ST6GALNAC3: variants seen among roughly 807,000 people sequenced by gnomAD.
The protein encoded by ST6GALNAC3 is alpha-N-acetylgalactosaminide alpha-2,6-sialyltransferase 3.
Under a neutral mutation model 32.7 loss-of-function variants are expected in ST6GALNAC3, and 25 were observed. The ratio of observed to expected loss-of-function variants is 0.76; its 90% CI spans 0.56 to 1.07. ST6GALNAC3 has a LOEUF of 1.07. ST6GALNAC3 is among the 50% of genes least tolerant of loss of function. ST6GALNAC3 has a pLI of 0.00. For synonymous variants in ST6GALNAC3, 129 were observed against 133.1 expected, an observed-to-expected ratio of 0.97 and a Z score of 0.21; for missense variants, 355 against 382.4, an observed-to-expected ratio of 0.93 and a Z score of 0.60.
intron 1 of ST6GALNAC3, among the ~76,000 whole-genome samples, chr1:76,313,442 G>C (rs763017081): frequency 1.3e-5 from 2 of 152,126 alleles, no homozygotes; most frequent in Non-Finnish European, 2.9e-5. Flanking sequence ...TGGATAGGTT[G>C]GGGGTCAAAG....
At chr1:76,451,309 G>A (rs183533160) in intron 3 of ST6GALNAC3, among the ~76,000 whole-genome samples, 45 of 152,306 alleles carry the variant, frequency 3.0e-4, no homozygotes, top group Non-Finnish European at 5.7e-4. Flanking sequence ...GGTGAAGGAA[G>A]AGCAAAGGCA....
intron 1 of ST6GALNAC3, among the ~76,000 whole-genome samples, chr1:76,198,903 C>G (rs17098322): frequency 0.082 from 12,446 of 152,072 alleles, 557 homozygotes; most frequent in African/African-American, 0.11. Flanking sequence ...AAGAAAGGCT[C>G]CACTGAATGG....
intron 1 of ST6GALNAC3, among the ~76,000 whole-genome samples, chr1:76,120,682 C>T (rs982716874): frequency 4.6e-5 from 7 of 152,142 alleles, no homozygotes; most frequent in Non-Finnish European, 1.0e-4. Flanking sequence ...AGCTAATGGG[C>T]ACCTCAAATC....
chr1:76,483,208 A>G (rs1317452364), intron 3 of ST6GALNAC3, among the ~76,000 whole-genome samples: 1 of 152,180 alleles, frequency 6.6e-6, no homozygotes, highest in African/African-American at 2.4e-5. Context: ...TCTTTATAGC[A>G]GCATGATTTG....
intron 3 of ST6GALNAC3, among the ~76,000 whole-genome samples, chr1:76,490,336 A>T (rs1571398506): frequency 6.6e-6 from 1 of 152,170 alleles, no homozygotes; most frequent in Non-Finnish European, 1.5e-5. Context: ...AGACTTAAAA[A>T]AAAATCTGCA....
chr1:76,514,810 G>A (rs6703692), intron 3 of ST6GALNAC3, among the ~76,000 whole-genome samples: 92,948 of 151,904 alleles, frequency 0.61, 28,504 homozygotes, highest in East Asian at 0.67. Context: ...ACAGTGGTGT[G>A]TCACATTTGT....
chr1:76,535,856 A>C (rs1663561833), intron 3 of ST6GALNAC3, among the ~76,000 whole-genome samples: 3 of 152,108 alleles, frequency 2.0e-5, no homozygotes, highest in Non-Finnish European at 4.4e-5. Flanking sequence ...TATTTGTCTT[A>C]AAGAAAAAAT....
At chr1:76,125,987 G>A (rs1007421562) in intron 1 of ST6GALNAC3, among the ~76,000 whole-genome samples, 3 of 152,164 alleles carry the variant, frequency 2.0e-5, no homozygotes, top group Non-Finnish European at 4.4e-5. Context: ...AAATCTTCCT[G>A]CTGGTGTTGG....
chr1:76,446,779 C>T (rs1657002961), intron 3 of ST6GALNAC3, among the ~76,000 whole-genome samples: 1 of 152,186 alleles, frequency 6.6e-6, no homozygotes, highest in Admixed American at 6.5e-5. Flanking sequence ...TGCCTGCTGC[C>T]ATCCCTGTAA....
At chr1:76,578,500 A>G (rs1646844845) in intron 3 of ST6GALNAC3, among the ~76,000 whole-genome samples, 1 of 152,026 alleles carries the variant, frequency 6.6e-6, no homozygotes, top group Non-Finnish European at 1.5e-5. Context: ...AAAGTAGCTG[A>G]ACCATCTTTT....
At chr1:76,388,222 C>G (rs1443349359) in intron 2 of ST6GALNAC3, among the ~76,000 whole-genome samples, 1 of 152,174 alleles carries the variant, frequency 6.6e-6, no homozygotes, top group African/African-American at 2.4e-5. Flanking sequence ...GAGAAATAGT[C>G]TTTGGACGGT....
chr1:76,325,792 AAT>A lies in ST6GALNAC3; in HGVS notation c.213+11808_213+11809del, dbSNP rs146320172. Among the ~76,000 whole-genome samples the A allele has an allele frequency of 3.5e-3, 521 of 147,806 alleles. 3 individuals carry two copies. The highest frequency in any genetic ancestry group is 0.012 in the African/African-American group (487 of 40,514). On this transcript the variant is annotated intron_variant, in intron 2 of 4. Coordinates refer to ENST00000328299, the MANE Select transcript of ST6GALNAC3 (RefSeq NM_152996.4). ...GCTACCATTGGTATACATACACACAAATATATATATATATATTTGGTCTTTTT... is the reference window on the plus strand; with the variant it reads ...GCTACCATTGGTATACATACACACAAATATATATATATATTTGGTCTTTTT...
chr1:76,309,844 G>A, intron 1 of ST6GALNAC3: 1 of 421,818 alleles, frequency 2.4e-6, no homozygotes, highest in Non-Finnish European at 4.7e-6. Context: ...CCCTCTCTGT[G>A]CTCATTACTT....
chr1:76,075,922 A>C (rs1261427583), intron 1 of ST6GALNAC3, among the ~76,000 whole-genome samples: 1 of 152,158 alleles, frequency 6.6e-6, no homozygotes, highest in Non-Finnish European at 1.5e-5. Context: ...CTATAAGATG[A>C]TATTAAGTCA....
intron 3 of ST6GALNAC3, among the ~76,000 whole-genome samples, chr1:76,441,088 C>CA (rs397980569): frequency 0.038 from 3,409 of 89,932 alleles, 129 homozygotes; most frequent in African/African-American, 0.079. Flanking sequence ...ACTATGTCTC[C>CA]AAAAAAAAAA....
intron 1 of ST6GALNAC3, among the ~76,000 whole-genome samples, chr1:76,194,086 C>A (rs911881721): frequency 2.0e-5 from 3 of 152,158 alleles, no homozygotes; most frequent in Non-Finnish European, 2.9e-5. Context: ...CTATGATCAT[C>A]TCTGTTATAC....
chr1:76,386,752 C>T (rs1163263602), intron 2 of ST6GALNAC3, among the ~76,000 whole-genome samples: 3 of 152,098 alleles, frequency 2.0e-5, no homozygotes, highest in African/African-American at 7.2e-5. Flanking sequence ...TGCTTATCTC[C>T]TGATAACCAG....
chr1:76,358,745 C>A (rs1323766178), intron 2 of ST6GALNAC3, among the ~76,000 whole-genome samples: 3 of 152,112 alleles, frequency 2.0e-5, no homozygotes, highest in Non-Finnish European at 4.4e-5. Flanking sequence ...CTGAATATGG[C>A]CCACAGGTCT....
intron 3 of ST6GALNAC3, among the ~76,000 whole-genome samples, chr1:76,604,794 A>G (rs1647416883): frequency 6.6e-6 from 1 of 152,190 alleles, no homozygotes; most frequent in South Asian, 2.1e-4. Context: ...TGGTGTCACC[A>G]TCCCGTCTTG....
Sources: gnomAD v4.1 joint callset for allele counts (sites outside exome capture counted in the v4.1 genomes callset) on GRCh38, gnomAD v4.1.1 for gene constraint, MANE v1.5 for transcripts, NCBI Gene and HGNC (gene_info 2026-07-23, HGNC 2026-07-21) for gene names.